ACAD8: variants seen among roughly 807,000 people sequenced by gnomAD.
The protein encoded by ACAD8 is isobutyryl-CoA dehydrogenase, mitochondrial.
ACAD8 carries 47 observed loss-of-function variants against 53.1 expected under a neutral mutation model. The observed-to-expected ratio is 0.89, with a 90% CI of 0.70 to 1.13. ACAD8 has a LOEUF of 1.13. Among genes scored for constraint, ACAD8 ranks in the 50% most tolerant of loss-of-function variants. The pLI is 0.00. For synonymous variants in ACAD8, 198 were observed against 201.3 expected (o/e 0.98, Z 0.14); for missense variants, 494 against 535.0 (o/e 0.92, Z 0.76).
chr11:134,258,670 C>T (rs1939695737), intron 4 of ACAD8, 46 bp downstream of exon 4: 2 of 1,400,254 alleles, frequency 1.4e-6, no homozygotes, highest in Non-Finnish European at 2.0e-6. Context: ...AGAGATGCTT[C>T]CTGCTCAGAT....
In ACAD8 at chr11:134,253,710, G is replaced by T. The variant is rs745741186; in HGVS notation, c.109+1G>T. The T allele has an allele frequency of 1.3e-6, 2 of 1,593,680 alleles. No individual in the cohort carries two copies. The highest frequency in any genetic ancestry group is 1.7e-5 in the Admixed American group (1 of 57,344). Reference sequence around the variant, plus strand: ...CGGAGCTTGACCTCCTGCATCGACCGTAAGGATCTCCTGGCGGGCAGTAGG... The same window carrying T: ...CGGAGCTTGACCTCCTGCATCGACCTTAAGGATCTCCTGGCGGGCAGTAGG... On this transcript the variant is annotated splice_donor_variant, in intron 1 of 10. Transcript: ENST00000281182. LOFTEE classifies it high-confidence loss of function.
In ACAD8 at chr11:134,265,456, A is replaced by T. The variant is rs2136087205; in HGVS notation, c.*496A>T. ...TGCAGAAGGTTTCTCTGGATAGCAC[A>T]CCTCTGAATGTAAATCATGATAAAA... is the stretch of plus-strand genomic sequence containing the variant. On this transcript the variant is annotated 3_prime_UTR_variant, in exon 11 of 11. Coordinates refer to ENST00000281182, the MANE Select transcript of ACAD8 (RefSeq NM_014384.3). 1 of 158,936 alleles carries T rather than the reference A, an allele frequency of 6.3e-6. No homozygotes were observed. The highest frequency in any genetic ancestry group is 1.9e-4 in the South Asian group (1 of 5,340). The allele number at this position is 158,936 out of a possible 1,614,324, so 9.8% of individuals were successfully genotyped here.
intron 3 of ACAD8, chr11:134,258,151 C>G (rs1200131323): frequency 5.7e-6 from 2 of 350,612 alleles, no homozygotes; most frequent in Non-Finnish European, 1.1e-5. Flanking sequence ...CACCCGGCCC[C>G]TCTCACCCTT....
chr11:134,254,724 T>C lies in ACAD8; in HGVS notation c.109+1015T>C, dbSNP rs572107474. Among the ~76,000 whole-genome samples the C allele has an allele frequency of 2.0e-5, 3 of 152,352 alleles. No homozygotes were observed. In the South Asian group the frequency reaches 6.2e-4, roughly 32 times the overall value. ...ATTTAGAGGTGGGTTTTGTTATTGT[T>C]TGCATCTTGCTTACACTTGAGTGGC... is the stretch of plus-strand genomic sequence containing the variant. On this transcript the variant is annotated intron_variant, in intron 1 of 10. Transcript: ENST00000281182.
intron 10 of ACAD8, 79 bp downstream of exon 10, chr11:134,262,701 C>T: frequency 1.3e-6 from 2 of 1,523,992 alleles, no homozygotes; most frequent in Non-Finnish European, 1.8e-6. Flanking sequence ...TGTCCCCATG[C>T]CTCCTGGGCC....
chr11:134,264,932 T>C lies in ACAD8; in HGVS notation c.1220T>C (p.Leu407Pro), dbSNP rs1277106724. The change falls in exon 11 of 11, where the codon CTG becomes CCG. Residue 407 changes from leucine to proline, a missense_variant. By Grantham distance (98) the Leu-to-Pro change is moderately conservative. Coordinates refer to ENST00000281182, the MANE Select transcript of ACAD8 (RefSeq NM_014384.3). ...LEGSNEVMRILISRSLLQE is the reference protein window; with the variant it reads ...LEGSNEVMRIPISRSLLQE ...GGTAGCAATGAAGTGATGAGGATAC[T>C]GATCTCTAGAAGCCTGCTTCAGGAG... 3.7e-6 allele frequency: 6 copies of C among 1,614,244 alleles called. No individual in the cohort carries two copies. The highest frequency in any genetic ancestry group is 4.2e-6 in the Non-Finnish European group (5 of 1,180,034).
At chr11:134,253,752 C>G in intron 1 of ACAD8, 43 bp downstream of exon 1, 1 of 1,537,406 alleles carries the variant, frequency 6.5e-7, no homozygotes, top group South Asian at 1.2e-5. Flanking sequence ...GTCCAGAACC[C>G]CGGCGGACAT....
intron 6 of ACAD8, chr11:134,260,632 T>C: frequency 3.1e-6 from 1 of 319,004 alleles, no homozygotes; most frequent in Non-Finnish European, 6.0e-6. Flanking sequence ...AAATGGAGTT[T>C]ATCCTATCAA....
chr11:134,262,820 G>A lies in ACAD8; in HGVS notation c.1195+198G>A, dbSNP rs149141770. 12,958 of 1,466,198 alleles carry A rather than the reference G, an allele frequency of 8.8e-3. 71 individuals are homozygous for A. Among genetic ancestry groups the A allele is most frequent in the African/African-American group, 0.015 (1,044 of 71,460 alleles). 90.8% of individuals were successfully genotyped at this position (1,466,198 alleles called of 1,614,324 possible). A position where few individuals can be genotyped will look rare whatever the true frequency, so the allele number is the denominator to read the frequency against. ...CCAGAGCCGCAGCTTCGTCCCTTTC[G>A]GGGGGCCTCAGATCGCTCTGCTGCT... On this transcript the variant is annotated intron_variant, in intron 10 of 10. Coordinates refer to ENST00000281182, the MANE Select transcript of ACAD8 (RefSeq NM_014384.3).
chr11:134,260,854 A>G, intron 6 of ACAD8, 190 bp from the exon 7 acceptor site: 1 of 634,200 alleles, frequency 1.6e-6, no homozygotes, highest in Non-Finnish European at 2.8e-6. Flanking sequence ...GAAAATGTTT[A>G]GCTGAAACAG....
Position 134,261,011 on chromosome 11 carries a change from T to C in ACAD8, c.706-33T>C. ...GAAGGCCGCCCTACCTGCTGGATTG[T>C]TGGGCAACCACGCAGTCCCTGATTT... is the stretch of plus-strand genomic sequence containing the variant. On this transcript the variant is annotated intron_variant, in intron 6 of 10. Coordinates refer to ENST00000281182, the MANE Select transcript of ACAD8 (RefSeq NM_014384.3). This position sits in a 1 kb window ranked among gnomAD's most constrained non-coding sequence, Gnocchi z 4.2. 6.2e-7 allele frequency: 1 copy of C among 1,609,198 alleles called. No individual in the cohort carries two copies. Among genetic ancestry groups the C allele is most frequent in the Non-Finnish European group, 8.5e-7 (1 of 1,177,826 alleles).
At position 134,261,122 on chromosome 11, in the gene ACAD8, G is replaced by A. The variant is rs368653287; in HGVS notation, c.784G>A (p.Glu262Lys). The A allele has an allele frequency of 5.0e-5, 80 of 1,611,788 alleles. No individual in the cohort carries two copies. In the African/African-American group the frequency reaches 5.6e-4, roughly 11 times the overall value. Reference protein sequence around the residue: ...AVPVANRIGSEGQGFLIAVRG... With the variant: ...AVPVANRIGSKGQGFLIAVRG... ...CCCTGTGGCCAACAGAATTGGGAGC[G>A]AGGGGCAGGGCTTCCTCATTGCCGT... Residue 262 changes from glutamate to lysine, a missense_variant, in exon 7 of 11, where the codon GAG (glutamate) becomes AAG (lysine). Physicochemically the swap from Glu to Lys is moderately conservative, Grantham distance 56. Coordinates refer to ENST00000281182, the MANE Select transcript of ACAD8 (RefSeq NM_014384.3). This position sits in a 1 kb window ranked among gnomAD's most constrained non-coding sequence, Gnocchi z 4.2.
chr11:134,256,015 C>A (rs749490472), intron 1 of ACAD8, among the ~76,000 whole-genome samples: 6 of 135,374 alleles, frequency 4.4e-5, no homozygotes, highest in Non-Finnish European at 8.0e-5. Flanking sequence ...AAGCGATTCT[C>A]CTGTCTCACC....
chr11:134,263,974 A>T (rs564081061), intron 10 of ACAD8: 1 of 985,376 alleles, frequency 1.0e-6, no homozygotes, highest in South Asian at 4.7e-5. Flanking sequence ...CCTTTCAGGG[A>T]AAATGTTTTC....
At chr11:134,263,136 C>T (rs987751184) in intron 10 of ACAD8, 2 of 1,083,002 alleles carry the variant, frequency 1.8e-6, no homozygotes, top group East Asian at 7.7e-5. Flanking sequence ...GACATTCTAT[C>T]GAGGAAACAT....
At chr11:134,256,936 T>A in intron 2 of ACAD8, 152 bp from the exon 3 acceptor site, 3 of 848,476 alleles carry the variant, frequency 3.5e-6, no homozygotes, top group Non-Finnish European at 5.8e-6. Context: ...GGACCCATGT[T>A]AACTGATAAC....
At chr11:134,255,464 A>G (rs1939472107) in intron 1 of ACAD8, among the ~76,000 whole-genome samples, 1 of 152,190 alleles carries the variant, frequency 6.6e-6, no homozygotes, top group Non-Finnish European at 1.5e-5. Context: ...TAACCCCAGC[A>G]CTGCTACCTA....
At chr11:134,264,596 C>T (rs960761270) in intron 10 of ACAD8, among the ~76,000 whole-genome samples, 1 of 152,208 alleles carries the variant, frequency 6.6e-6, no homozygotes, top group African/African-American at 2.4e-5. Flanking sequence ...AGGCATTTTA[C>T]TCTGCCTTTG....
chr11:134,263,289 C>T (rs1161551045), intron 10 of ACAD8: 4 of 1,002,850 alleles, frequency 4.0e-6, no homozygotes, highest in Non-Finnish European at 4.8e-6. Flanking sequence ...CGTGAGGCTG[C>T]CTTGCTGGAA....
Sources: gnomAD v4.1 joint callset for allele counts (sites outside exome capture counted in the v4.1 genomes callset) on GRCh38, gnomAD v4.1.1 for gene constraint, Gnocchi (gnomAD v3.1) non-coding constraint, MANE v1.5 for transcripts, NCBI Gene and HGNC (gene_info 2026-07-23, HGNC 2026-07-21) for gene names.